The following GAK variants were observed in gnomAD, a reference collection of about 807,000 sequenced individuals.
The protein encoded by GAK is cyclin-G-associated kinase.
GAK carries 79 observed loss-of-function variants against 143.9 expected under a neutral mutation model. The ratio of observed to expected loss-of-function variants is 0.55; its 90% CI spans 0.46 to 0.66. The LOEUF is 0.66. Ranked by LOEUF, GAK falls within the 30% of genes least tolerant of loss-of-function variation. The pLI, the probability that GAK is intolerant of heterozygous loss-of-function variation, is 0.00. For missense variants in GAK, 1,693 were observed against 1,779.7 expected (o/e 0.95, Z 0.88); for synonymous variants, 881 against 765.5 (o/e 1.15, Z -2.49).
At chr4:886,852 G>A (rs564572734) in intron 11 of GAK, 1 of 152,426 alleles carries the variant, frequency 6.6e-6, no homozygotes, top group South Asian at 2.1e-4. Context: ...CGTCACAGAG[G>A]AGGTGCCCAG....
At chr4:850,150 T>C (rs1258833924) in intron 26 of GAK, 82 bp from the exon 27 acceptor site, 30 of 1,342,132 alleles carry the variant, frequency 2.2e-5, no homozygotes, top group Non-Finnish European at 3.0e-5. Flanking sequence ...GGCACGACGC[T>C]GAGGAAGTGC....
intron 23 of GAK, among the ~76,000 whole-genome samples, chr4:861,292 C>T (rs1053972651): frequency 3.3e-5 from 5 of 152,136 alleles, no homozygotes; most frequent in Non-Finnish European, 7.3e-5. Context: ...GAGCAAGGCA[C>T]GTCAAAAGCA....
chr4:925,871 G>A (rs1330428759), intron 1 of GAK, among the ~76,000 whole-genome samples: 1 of 152,202 alleles, frequency 6.6e-6, no homozygotes, highest in African/African-American at 2.4e-5. Context: ...TGTTACAGCA[G>A]CACAGACGGA....
intron 16 of GAK, among the ~76,000 whole-genome samples, chr4:877,412 C>T (rs1362815918): frequency 6.6e-6 from 1 of 152,046 alleles, no homozygotes; most frequent in African/African-American, 2.4e-5. Context: ...ACCAGGATCC[C>T]ATTCTCAAGT....
At chr4:865,317 T>C in intron 22 of GAK, 73 bp from the exon 23 acceptor site, 1 of 1,594,290 alleles carries the variant, frequency 6.3e-7, no homozygotes, top group Non-Finnish European at 8.6e-7. Context: ...GGCGCCAGGC[T>C]GTGCTCAGGG....
chr4:879,937 C>T (rs1453684370), intron 15 of GAK, among the ~76,000 whole-genome samples: 2 of 152,232 alleles, frequency 1.3e-5, no homozygotes, highest in Admixed American at 6.5e-5. Context: ...GTTCTCATTT[C>T]GGGGATTTCC....
chr4:894,370 G>C (rs1443152469), intron 7 of GAK: 6 of 210,492 alleles, frequency 2.9e-5, no homozygotes, highest in Admixed American at 2.3e-4. Context: ...CGGAGCCGTG[G>C]GGAGCGCAGG....
At chr4:898,240 C>T (rs1719182461) in intron 5 of GAK, 82 bp from the exon 6 acceptor site, 5 of 1,529,910 alleles carry the variant, frequency 3.3e-6, no homozygotes, top group Non-Finnish European at 4.5e-6. Flanking sequence ...GTGTGAGACA[C>T]AGCCAGGGCC....
chr4:877,662 C>A lies in GAK; in HGVS notation c.1809G>T (p.Val603=). 2 of 1,610,688 alleles carry A rather than the reference C, an allele frequency of 1.2e-6. No homozygotes were observed. Among genetic ancestry groups the A allele is most frequent in the Non-Finnish European group, 1.7e-6 (2 of 1,178,392 alleles). The change falls in exon 16 of 28, where the codon GTG becomes GTT. Residue 603 remains valine, a synonymous_variant. Transcript: ENST00000314167. ...SGCRPFCEVY[V]GDERVASTSQ... Reference sequence around the variant, plus strand: ...AGGTGCTGGCCACACGCTCGTCCCCCACGTAGACCTCGCAGAAGGGCCTGC... The same window carrying A: ...AGGTGCTGGCCACACGCTCGTCCCCAACGTAGACCTCGCAGAAGGGCCTGC...
intron 4 of GAK, among the ~76,000 whole-genome samples, chr4:906,286 A>G (rs1488102718): frequency 6.6e-6 from 1 of 152,226 alleles, no homozygotes; most frequent in Non-Finnish European, 1.5e-5. Context: ...ACAAGTGCTC[A>G]AACCTCTAAG....
At chr4:918,215 A>G (rs891882498) in intron 1 of GAK, among the ~76,000 whole-genome samples, 3 of 152,266 alleles carry the variant, frequency 2.0e-5, no homozygotes, top group African/African-American at 4.8e-5. Context: ...AAACAACATT[A>G]GCAGAATAGG....
intron 7 of GAK, among the ~76,000 whole-genome samples, chr4:895,225 T>C (rs1205001263): frequency 6.6e-6 from 1 of 152,206 alleles, no homozygotes; most frequent in Non-Finnish European, 1.5e-5. Flanking sequence ...CTCCTCAGTC[T>C]GCTCAGGATT....
chr4:889,909 C>G (rs1425772629), intron 10 of GAK, among the ~76,000 whole-genome samples: 1 of 152,242 alleles, frequency 6.6e-6, no homozygotes, highest in African/African-American at 2.4e-5. Context: ...AGGCCCATCA[C>G]AGGTGCCCAC....
intron 4 of GAK, among the ~76,000 whole-genome samples, chr4:906,025 C>A (rs1721018219): frequency 6.6e-6 from 1 of 152,224 alleles, no homozygotes; most frequent in South Asian, 2.1e-4. Flanking sequence ...CGTCAGCATC[C>A]CAGCAGCTGA....
chr4:913,523 G>T, intron 2 of GAK, 84 bp downstream of exon 2: 1 of 1,037,006 alleles, frequency 9.6e-7, no homozygotes, highest in Non-Finnish European at 1.5e-6. Context: ...GTACGTAACA[G>T]GGACGCATCC....
intron 18 of GAK, among the ~76,000 whole-genome samples, chr4:873,963 T>C (rs1431310571): frequency 6.6e-6 from 1 of 152,208 alleles, no homozygotes; most frequent in African/African-American, 2.4e-5. Flanking sequence ...CTGGGTTTGT[T>C]TGTTTATCTC....
rs765265461 is a variant in GAK at position 851,991 on chromosome 4, C to A, written c.3284-17G>T. 2.5e-6 allele frequency: 4 copies of A among 1,601,048 alleles called. No homozygotes were observed. The highest frequency in any genetic ancestry group is 1.3e-5 in the African/African-American group (1 of 74,688). On this transcript the variant is annotated splice_polypyrimidine_tract_variant and intron_variant, in intron 24 of 27. Transcript: ENST00000314167. ...CTGGTGAGCCTGTGGAGATGGAGAT[C>A]GGAAACTCGGCATCTGGTTGTCCAT...
intron 24 of GAK, among the ~76,000 whole-genome samples, chr4:854,118 C>CTTT (rs573575985): frequency 2.2e-5 from 3 of 139,288 alleles, no homozygotes; most frequent in African/African-American, 7.9e-5. Context: ...CATTTTCTTT[C>CTTT]TTTTTTTTTT....
chr4:876,758 A>G, intron 17 of GAK, 149 bp from the exon 18 acceptor site: 1 of 695,128 alleles, frequency 1.4e-6, no homozygotes, highest in Non-Finnish European at 2.6e-6. Flanking sequence ...TTGTGGGGGA[A>G]GCGGGAGAGG....
Sources: gnomAD v4.1 joint callset for allele counts (sites outside exome capture counted in the v4.1 genomes callset) on GRCh38, gnomAD v4.1.1 for gene constraint, MANE v1.5 for transcripts, NCBI Gene and HGNC (gene_info 2026-07-23, HGNC 2026-07-21) for gene names.